The following TAP2 variants were observed in gnomAD, a reference collection of about 807,000 sequenced individuals.
The protein encoded by TAP2 is transporter 2, ATP binding cassette subfamily B member.
Under a neutral mutation model 74.7 loss-of-function variants are expected in TAP2, and 49 were observed. The observed-to-expected ratio is 0.66, with a 90% CI of 0.52 to 0.83. TAP2 has a LOEUF of 0.83. TAP2 is among the 40% of genes least tolerant of loss of function. The pLI is 0.00. For synonymous variants in TAP2, 306 were observed against 368.4 expected, an observed-to-expected ratio of 0.83 and a Z score of 1.94; for missense variants, 739 against 859.0, an observed-to-expected ratio of 0.86 and a Z score of 1.75.
At chr6:32,825,126 T>TATATATATA (rs1554230832), downstream of TAP2, among the ~76,000 whole-genome samples, 36 of 140,778 alleles carry the variant, frequency 2.6e-4, no homozygotes, top group South Asian at 5.6e-3. Context: ...TGTCTGTTGG[T>TATATATATA]TATATACATA....
Position 32,837,796 on chromosome 6 carries a change from C to T in TAP2, c.438G>A (p.Arg146=). ...VLMWRLLKLS[R]PDLPLLVAAF... is the part of the protein sequence containing the mutation. ...CGGCAACGAGGAGAGGCAGGTCCGG[C>T]CTGGAGAGCTTCAGCAGCCTCCACA... is the stretch of plus-strand genomic sequence containing the variant. Residue 146 remains arginine, a synonymous_variant, in exon 2 of 12, where the codon AGG becomes AGA. Transcript: ENST00000374897. 6.2e-7 allele frequency: 1 copy of T among 1,614,132 alleles called. No individual in the cohort carries two copies. Among genetic ancestry groups the T allele is most frequent in the Non-Finnish European group, 8.5e-7 (1 of 1,180,022 alleles).
At chr6:32,833,070 T>C (rs1180938517) in intron 5 of TAP2, among the ~76,000 whole-genome samples, 1 of 152,166 alleles carries the variant, frequency 6.6e-6, no homozygotes, top group Non-Finnish European at 1.5e-5. Flanking sequence ...TTTGAGGTAA[T>C]TTTCCCATCC....
chr6:32,826,347 C>G lies in TAP2; in HGVS notation c.*2559G>C. 1.0e-6 allele frequency: 1 copy of G among 985,394 alleles called. No individual in the cohort carries two copies. Among genetic ancestry groups the G allele is most frequent in the Non-Finnish European group, 1.2e-6 (1 of 829,944 alleles). The allele number at this position is 985,394 out of a possible 1,614,324, so 61.0% of individuals were successfully genotyped here. ...CCAAGCTTTCCCCTCTCCATTCATA[C>G]TTTCCTTTAGAAAGAATAAGGCATG... On this transcript the variant is annotated 3_prime_UTR_variant, in exon 12 of 12. Transcript: ENST00000374897.
chr6:32,830,388 T>C lies in TAP2; in HGVS notation c.1514A>G (p.Asn505Ser). ...PGEVTALVGP[N>S]GSGKSTVAAL... Reference sequence around the variant, plus strand: ...AGCCACTGTGCTCTTCCCAGACCCATTGGGTCCCACCAGCGCCGTCACCTC... The same window carrying C: ...AGCCACTGTGCTCTTCCCAGACCCACTGGGTCCCACCAGCGCCGTCACCTC... Residue 505 changes from asparagine to serine, a missense_variant, in exon 9 of 12, where the codon AAT (asparagine) becomes AGT (serine). By Grantham distance (46) the Asn-to-Ser change is conservative. Transcript: ENST00000374897. The C allele has an allele frequency of 2.5e-6, 4 of 1,612,692 alleles. No individual in the cohort carries two copies. The highest frequency in any genetic ancestry group is 1.7e-5 in the Admixed American group (1 of 59,998).
chr6:32,835,027 A>T lies in TAP2; in HGVS notation c.945+127T>A. 1 of 968,184 alleles carries T rather than the reference A, an allele frequency of 1.0e-6. No individual in the cohort carries two copies. Among genetic ancestry groups the T allele is most frequent in the Non-Finnish European group, 1.6e-6 (1 of 618,856 alleles). 60.0% of individuals were successfully genotyped at this position (968,184 alleles called of 1,614,324 possible). On this transcript the variant is annotated intron_variant, in intron 5 of 11. Transcript: ENST00000374897. The surrounding 1 kb of genome is among the most constrained non-coding windows in gnomAD (Gnocchi z 4.0). ...AACAAAATGTAGTATATACTACAAT[A>T]TACCTTCTCCCCTAATGGCTGAGAA...
chr6:32,832,534 G>A lies in TAP2; in HGVS notation c.1144-73C>T. 3 of 1,611,586 alleles carry A rather than the reference G, an allele frequency of 1.9e-6. No individual in the cohort carries two copies. The highest frequency in any genetic ancestry group is 2.5e-6 in the Non-Finnish European group (3 of 1,179,336). ...TCCCCCTCTCTGCCTCTATGAGACT[G>A]AGCTGCAAAGGCCTCTAGAACCAGC... On this transcript the variant is annotated intron_variant, in intron 6 of 11. Coordinates refer to ENST00000374897, the MANE Select transcript of TAP2 (RefSeq NM_001290043.2). This position sits in a 1 kb window ranked among gnomAD's most constrained non-coding sequence, Gnocchi z 5.9.
At position 32,826,221 on chromosome 6, in the gene TAP2, G is replaced by A; in HGVS notation, c.*2685C>T. 7.1e-6 allele frequency: 7 copies of A among 985,338 alleles called. No individual in the cohort carries two copies. The highest frequency in any genetic ancestry group is 8.4e-6 in the Non-Finnish European group (7 of 829,930). The allele number at this position is 985,338 out of a possible 1,614,324, so 61.0% of individuals were successfully genotyped here. On this transcript the variant is annotated 3_prime_UTR_variant, in exon 12 of 12. Coordinates refer to ENST00000374897, the MANE Select transcript of TAP2 (RefSeq NM_001290043.2). Reference sequence around the variant, plus strand: ...TGTGGATTACAAGTGGCTATCCCTGGGTGGAGGCATAAAGGACTTGAAACT... The same window carrying A: ...TGTGGATTACAAGTGGCTATCCCTGAGTGGAGGCATAAAGGACTTGAAACT...
At chr6:32,834,832 C>T (rs1234545335) in intron 5 of TAP2, among the ~76,000 whole-genome samples, 6 of 152,084 alleles carry the variant, frequency 3.9e-5, no homozygotes, top group Non-Finnish European at 8.8e-5. Context: ...GCAGTGGGGG[C>T]GGGGGATGTA....
In TAP2 at chr6:32,832,514, C is replaced by T; in HGVS notation, c.1144-53G>A. 1.9e-6 allele frequency: 3 copies of T among 1,610,650 alleles called. No individual in the cohort carries two copies. Among genetic ancestry groups the T allele is most frequent in the African/African-American group, 1.3e-5 (1 of 75,002 alleles). ...CTGGGAATCTTCCCATTCTTTCCCCCTCTCTGCCTCTATGAGACTGAGCTG... is the reference window on the plus strand; with the variant it reads ...CTGGGAATCTTCCCATTCTTTCCCCTTCTCTGCCTCTATGAGACTGAGCTG... On this transcript the variant is annotated intron_variant, in intron 6 of 11. Transcript: ENST00000374897. The surrounding 1 kb of genome is among the most constrained non-coding windows in gnomAD (Gnocchi z 5.9).
chr6:32,834,171 A>G (rs1409999608), intron 5 of TAP2, among the ~76,000 whole-genome samples: 2 of 152,250 alleles, frequency 1.3e-5, no homozygotes, highest in African/African-American at 2.4e-5. Context: ...GCAGGGTTTC[A>G]AACAGGTGTA....
In TAP2 at chr6:32,835,047, TGAGAA is replaced by T. The variant is rs1769320855; in HGVS notation, c.945+102_945+106del. 2 of 1,191,684 alleles carry T rather than the reference TGAGAA, an allele frequency of 1.7e-6. No homozygotes were observed. Among genetic ancestry groups the T allele is most frequent in the Admixed American group, 1.9e-5 (1 of 52,298 alleles). The allele number at this position is 1,191,684 out of a possible 1,614,324, so 73.8% of individuals were successfully genotyped here. A position where few individuals can be genotyped will look rare whatever the true frequency, so the allele number is the denominator to read the frequency against. ...ACAATATACCTTCTCCCCTAATGGCTGAGAAGAGAACATCTCTCTCTAGGGGATCC... is the reference window on the plus strand; with the variant it reads ...ACAATATACCTTCTCCCCTAATGGCTGAGAACATCTCTCTCTAGGGGATCC... On this transcript the variant is annotated intron_variant, in intron 5 of 11. Transcript: ENST00000374897. The surrounding 1 kb of genome is among the most constrained non-coding windows in gnomAD (Gnocchi z 4.0).
Position 32,837,723 on chromosome 6 carries a change from C to T in TAP2, c.493+18G>A. On this transcript the variant is annotated intron_variant, in intron 2 of 11. Transcript: ENST00000374897. ...CCCTTTTACCACCTCCAACTCACAA[C>T]GTCCTCTCCTGACTCACCCAAAACA... is the stretch of plus-strand genomic sequence containing the variant. The T allele has an allele frequency of 6.2e-7, 1 of 1,614,200 alleles. No individual in the cohort carries two copies. The highest frequency in any genetic ancestry group is 1.3e-5 in the African/African-American group (1 of 75,038).
chr6:32,822,283 T>A, downstream of TAP2: 1 of 1,554,006 alleles, frequency 6.4e-7, no homozygotes, highest in South Asian at 1.2e-5. Flanking sequence ...AAATATCCAT[T>A]GAAATTCAAA....
At chr6:32,837,070 G>A (rs570848867) in intron 3 of TAP2, among the ~76,000 whole-genome samples, 8 of 152,312 alleles carry the variant, frequency 5.3e-5, no homozygotes, top group Non-Finnish European at 1.2e-4. Flanking sequence ...TGGAAAGAAA[G>A]GTGATAAGCC....
Position 32,832,181 on chromosome 6 carries a change from T to C in TAP2, c.1272+152A>G. 9.8e-7 allele frequency: 1 copy of C among 1,025,208 alleles called. No individual in the cohort carries two copies. The highest frequency in any genetic ancestry group is 1.4e-6 in the Non-Finnish European group (1 of 691,942). 63.5% of individuals were successfully genotyped at this position (1,025,208 alleles called of 1,614,324 possible). The stretch of plus-strand genomic sequence containing the variant: ...TTTGTAATATTATTTTGTCTCATTT[T>C]TGGCATATGTTTAAAATTCTCCATA... On this transcript the variant is annotated intron_variant, in intron 7 of 11. Coordinates refer to ENST00000374897, the MANE Select transcript of TAP2 (RefSeq NM_001290043.2). This position sits in a 1 kb window ranked among gnomAD's most constrained non-coding sequence, Gnocchi z 5.9.
Position 32,837,935 on chromosome 6 carries a change from C to T in TAP2, c.299G>A (p.Ser100Asn), listed in dbSNP as rs760254380. The change falls in exon 2 of 12, where the codon AGC becomes AAC. Residue 100 changes from serine (S) to asparagine (N), a missense_variant. Transcript: ENST00000374897. ...AGCCCCGTACCCCACCAGCAGCCAG[C>T]TCCAAGGGGCTGAAGCGACTCTGGC... ...PPARVASAPW[S>N]WLLVGYGAAG... 6 of 1,612,824 alleles carry T rather than the reference C, an allele frequency of 3.7e-6. No homozygotes were observed. Among genetic ancestry groups the T allele is most frequent in the Non-Finnish European group, 3.4e-6 (4 of 1,179,996 alleles).
At chr6:32,831,746 GGATGGATGGATA>G (rs1202407474) in intron 7 of TAP2, among the ~76,000 whole-genome samples, 4 of 152,252 alleles carry the variant, frequency 2.6e-5, no homozygotes, top group African/African-American at 9.6e-5. Context: ...ATTGATGGGT[GGATGGATGGATA>G]GATGGATGGA....
In TAP2 at chr6:32,830,699, G is replaced by A; in HGVS notation, c.1380C>T (p.Ala460=). ...TCACAACCCCCTGCAGAGTGGTGGGGGCAAGCGTGCCAGGTGAAGGCAGAT... is the reference window on the plus strand; with the variant it reads ...TCACAACCCCCTGCAGAGTGGTGGGAGCAAGCGTGCCAGGTGAAGGCAGAT... ...QPNLPSPGTL[A]PTTLQGVVKF... The change falls in exon 8 of 12, where the codon GCC becomes GCT. Residue 460 remains alanine, a synonymous_variant. Coordinates refer to ENST00000374897, the MANE Select transcript of TAP2 (RefSeq NM_001290043.2). The A allele has an allele frequency of 6.2e-7, 1 of 1,613,072 alleles. No homozygotes were observed. Among genetic ancestry groups the A allele is most frequent in the Non-Finnish European group, 8.5e-7 (1 of 1,180,034 alleles).
chr6:32,838,323 C>T, intron 1 of TAP2, 86 bp from the exon 2 acceptor site: 1 of 1,463,406 alleles, frequency 6.8e-7, no homozygotes, highest in South Asian at 1.4e-5. Flanking sequence ...TCCGCCTAAC[C>T]CGTCCATCGG....
Sources: gnomAD v4.1 joint callset for allele counts (sites outside exome capture counted in the v4.1 genomes callset) on GRCh38, gnomAD v4.1.1 for gene constraint, Gnocchi (gnomAD v3.1) non-coding constraint, MANE v1.5 for transcripts, NCBI Gene and HGNC (gene_info 2026-07-23, HGNC 2026-07-21) for gene names.